ARHGAP42: variants seen among roughly 807,000 people sequenced by gnomAD.
The protein encoded by ARHGAP42 is rho GTPase-activating protein 42.
In ARHGAP42, 63 loss-of-function variants were observed where a neutral mutation model predicts 125.0. The observed-to-expected ratio is 0.50, with a 90% CI of 0.41 to 0.62. ARHGAP42 has a LOEUF of 0.62. ARHGAP42 is among the 20% of genes least tolerant of loss of function. The pLI is 0.00. For missense variants in ARHGAP42, 766 were observed against 1,024.2 expected (o/e 0.75, Z 3.44); for synonymous variants, 339 against 351.0 (o/e 0.97, Z 0.38).
intron 3 of ARHGAP42, among the ~76,000 whole-genome samples, chr11:100,822,452 T>C (rs1864425161): frequency 2.0e-5 from 3 of 152,196 alleles, no homozygotes; most frequent in Admixed American, 2.0e-4. Context: ...AATGGATTAC[T>C]GTTTGTTTCA....
chr11:100,914,288 G>A (rs1419678733), intron 5 of ARHGAP42, among the ~76,000 whole-genome samples: 1 of 150,220 alleles, frequency 6.7e-6, no homozygotes, highest in East Asian at 2.0e-4. Flanking sequence ...AAGAACAAAT[G>A]AATAAATATT....
intron 4 of ARHGAP42, among the ~76,000 whole-genome samples, chr11:100,890,101 C>T (rs2135190107): frequency 6.6e-6 from 1 of 152,290 alleles, no homozygotes; most frequent in East Asian, 1.9e-4. Context: ...CTTAGAGGAA[C>T]TAAGGAACAG....
At chr11:100,766,690 A>G (rs1308309395) in intron 1 of ARHGAP42, among the ~76,000 whole-genome samples, 1 of 152,200 alleles carries the variant, frequency 6.6e-6, no homozygotes, top group Admixed American at 6.5e-5. Flanking sequence ...TTAGAGGTTG[A>G]TCATTATTAC....
At chr11:100,697,530 C>G (rs1291967603) in intron 1 of ARHGAP42, among the ~76,000 whole-genome samples, 3 of 152,156 alleles carry the variant, frequency 2.0e-5, no homozygotes, top group Non-Finnish European at 4.4e-5. Flanking sequence ...ATCTAAAAAG[C>G]CATATTGCTT....
Position 100,844,422 on chromosome 11 carries a change from A to G in ARHGAP42, c.313-15132A>G, listed in dbSNP as rs139414898. Reference sequence around the variant, plus strand: ...CATGACCAAGAGCCCAAAAGCAAATACAATAGAAACAAAGATAAATAGCTG... The same window carrying G: ...CATGACCAAGAGCCCAAAAGCAAATGCAATAGAAACAAAGATAAATAGCTG... On this transcript the variant is annotated intron_variant, in intron 3 of 23. Transcript: ENST00000298815. 9.3e-3 allele frequency among the ~76,000 whole-genome samples: 1,372 copies of G among 147,272 alleles called. 52 individuals are homozygous for G. Among genetic ancestry groups the G allele is most frequent in the Admixed American group, 0.061 (922 of 15,090 alleles).
chr11:100,882,762 A>T (rs143383915), intron 4 of ARHGAP42, among the ~76,000 whole-genome samples: 3 of 151,878 alleles, frequency 2.0e-5, no homozygotes, highest in African/African-American at 7.3e-5. Flanking sequence ...TACCATTTCA[A>T]TCTTGCTGCT....
intron 4 of ARHGAP42, among the ~76,000 whole-genome samples, chr11:100,887,069 A>G (rs1866108584): frequency 6.6e-6 from 1 of 152,206 alleles, no homozygotes; most frequent in African/African-American, 2.4e-5. Flanking sequence ...TACAGTAAAT[A>G]TTGGTAAGAT....
intron 7 of ARHGAP42, among the ~76,000 whole-genome samples, chr11:100,934,392 AG>A (rs1421793162): frequency 6.6e-6 from 1 of 152,180 alleles, no homozygotes; most frequent in Non-Finnish European, 1.5e-5. Context: ...AAAAAAAATA[AG>A]AAAAAATAAA....
At chr11:100,930,029 C>T (rs1364413023) in intron 6 of ARHGAP42, among the ~76,000 whole-genome samples, 46 of 152,168 alleles carry the variant, frequency 3.0e-4, no homozygotes, top group Admixed American at 3.0e-3. Context: ...GTTCTATACC[C>T]TTGGGAATAA....
At chr11:100,963,015 A>G (rs879319346) in intron 16 of ARHGAP42, among the ~76,000 whole-genome samples, 4 of 152,242 alleles carry the variant, frequency 2.6e-5, no homozygotes, top group Non-Finnish European at 5.9e-5. Context: ...TGGTGATTAT[A>G]AAGAACCATG....
intron 1 of ARHGAP42, among the ~76,000 whole-genome samples, chr11:100,721,991 A>T (rs1388729977): frequency 6.6e-6 from 1 of 152,184 alleles, no homozygotes. Flanking sequence ...TCATATTATA[A>T]GAGTATGTTT....
chr11:100,833,841 C>T (rs2135098466), intron 3 of ARHGAP42, among the ~76,000 whole-genome samples: 1 of 152,196 alleles, frequency 6.6e-6, no homozygotes, highest in Non-Finnish European at 1.5e-5. Context: ...TTGGGCTGTA[C>T]CTCTTGATGA....
At chr11:100,796,206 T>C (rs1863708780) in intron 3 of ARHGAP42, among the ~76,000 whole-genome samples, 1 of 152,212 alleles carries the variant, frequency 6.6e-6, no homozygotes, top group South Asian at 2.1e-4. Context: ...TAGTGTTATA[T>C]CTGTTGTGGT....
chr11:100,688,296 T>C (rs1172150010), intron 1 of ARHGAP42, among the ~76,000 whole-genome samples: 1 of 152,200 alleles, frequency 6.6e-6, no homozygotes, highest in Admixed American at 6.5e-5. Context: ...GACACAGTCA[T>C]TGAGTTGGCT....
At chr11:100,879,192 G>A (rs761865018) in intron 4 of ARHGAP42, among the ~76,000 whole-genome samples, 1 of 152,126 alleles carries the variant, frequency 6.6e-6, no homozygotes, top group Admixed American at 6.5e-5. Flanking sequence ...AAGACTCCTA[G>A]TTGATTCAAA....
intron 4 of ARHGAP42, among the ~76,000 whole-genome samples, chr11:100,878,447 A>G (rs1338128030): frequency 6.6e-6 from 1 of 152,126 alleles, no homozygotes; most frequent in Non-Finnish European, 1.5e-5. Context: ...ACCCTTACCA[A>G]TCAAACTGTG....
chr11:100,927,335 A>G (rs1477999482), intron 6 of ARHGAP42, among the ~76,000 whole-genome samples: 1 of 151,294 alleles, frequency 6.6e-6, no homozygotes, highest in Non-Finnish European at 1.5e-5. Flanking sequence ...AGTGAAAAAA[A>G]TAAGGTTAGC....
intron 21 of ARHGAP42, 71 bp downstream of exon 21, chr11:100,977,042 T>A (rs1052742101): frequency 1.3e-6 from 2 of 1,510,718 alleles, no homozygotes; most frequent in East Asian, 4.9e-5. Context: ...TCAGAAGAAC[T>A]CTTGGGAATC....
chr11:100,736,722 C>G (rs185639087), intron 1 of ARHGAP42, among the ~76,000 whole-genome samples: 1 of 152,052 alleles, frequency 6.6e-6, no homozygotes, highest in African/African-American at 2.4e-5. Context: ...AGGATCTTGA[C>G]GTGTTACTGT....
Sources: allele counts gnomAD v4.1 joint callset (sites outside exome capture counted in the v4.1 genomes callset), GRCh38; gene constraint gnomAD v4.1.1; transcripts MANE v1.5; gene names NCBI Gene and HGNC (gene_info 2026-07-23, HGNC 2026-07-21).